Variants in BPIFA1 observed in about 807,000 individuals in gnomAD.
The protein encoded by BPIFA1 is BPI fold containing family A member 1.
In BPIFA1, 24 loss-of-function variants were observed where a neutral mutation model predicts 25.1. That is an observed-to-expected ratio of 0.96 (90% CI 0.69 to 1.35). The LOEUF (loss-of-function observed/expected upper bound fraction) is 1.35. BPIFA1 is among the 40% of genes most tolerant of loss of function. The probability of loss-of-function intolerance (pLI) is 0.00; values close to 1 mark genes in which losing one functional copy is unlikely to be tolerated. For missense variants in BPIFA1, 344 were observed against 303.7 expected (o/e 1.13, Z -0.99); for synonymous variants, 139 against 131.8 (o/e 1.05, Z -0.37).
intron 1 of BPIFA1, among the ~76,000 whole-genome samples, chr20:33,236,317 C>A (rs1195187497): frequency 6.6e-6 from 1 of 152,204 alleles, no homozygotes; most frequent in Non-Finnish European, 1.5e-5. Flanking sequence ...AATGTGGATA[C>A]AGATGATCCA....
intron 1 of BPIFA1, 134 bp from the exon 2 acceptor site, chr20:33,237,563 C>T: frequency 1.7e-6 from 1 of 580,818 alleles, no homozygotes; most frequent in Non-Finnish European, 2.7e-6. Flanking sequence ...AATTGTTCAG[C>T]AGTATTAGCT....
At chr20:33,240,609 G>T (rs150207535) in intron 5 of BPIFA1, among the ~76,000 whole-genome samples, 2 of 150,710 alleles carry the variant, frequency 1.3e-5, no homozygotes, top group East Asian at 3.9e-4. Context: ...GGTTGATGGA[G>T]AGAAGGATGA....
At chr20:33,241,550 T>C in intron 6 of BPIFA1, 81 bp downstream of exon 6, 1 of 1,171,686 alleles carries the variant, frequency 8.5e-7, no homozygotes, top group Admixed American at 1.8e-5. Context: ...GCTAAGTGGG[T>C]CCGAGTCCCT....
At chr20:33,242,021 C>T (rs763578499) in intron 6 of BPIFA1, 35 bp from the exon 7 acceptor site, 1 of 1,595,392 alleles carries the variant, frequency 6.3e-7, no homozygotes, top group South Asian at 1.1e-5. Context: ...TCCAGGGTGC[C>T]ACTCTGCCTA....
chr20:33,242,378 G>A, intron 7 of BPIFA1, 109 bp from the exon 8 acceptor site: 1 of 1,338,218 alleles, frequency 7.5e-7, no homozygotes, highest in East Asian at 2.4e-5. Context: ...AACACAGTCG[G>A]ATCTCCAGAG....
chr20:33,240,647 A>ATAAT (rs939973843), intron 5 of BPIFA1, among the ~76,000 whole-genome samples: 1 of 121,510 alleles, frequency 8.2e-6, no homozygotes, highest in Non-Finnish European at 1.9e-5. Context: ...TAGATAGATG[A>ATAAT]TAGATAGATA....
rs538843984 is a variant in BPIFA1 at position 33,240,458 on chromosome 20, G to A, written c.581+73G>A. On this transcript the variant is annotated intron_variant, in intron 5 of 8. Coordinates refer to ENST00000354297, the MANE Select transcript of BPIFA1 (RefSeq NM_130852.3). ...ATGCCGGATGGATGATTGGAAAGCT[G>A]AGACAATGAGAGAATAGATGAGTGA... 8 of 1,556,040 alleles carry A rather than the reference G, an allele frequency of 5.1e-6. No homozygotes were observed. In the East Asian group the frequency reaches 1.8e-4, roughly 35 times the overall value.
In BPIFA1 at chr20:33,237,871, G is replaced by C; in HGVS notation, c.160G>C (p.Ala54Pro). 1 of 1,568,234 alleles carries C rather than the reference G, an allele frequency of 6.4e-7. No individual in the cohort carries two copies. Among genetic ancestry groups the C allele is most frequent in the Non-Finnish European group, 8.6e-7 (1 of 1,158,716 alleles). Residue 54 changes from alanine to proline, a missense_variant and splice_region_variant, in exon 2 of 9, where the codon GCC becomes CCC. Physicochemically the swap from Ala to Pro is conservative, Grantham distance 27 (BLOSUM62 -1). Transcript: ENST00000354297. ...PTGLAGSLTN[A>P]LSNGLLSGGL... ...AGGTCTTGCAGGAAGCTTGACAAAT[G>C]GTGAGTTTTCAGGGGTGTATGTGTG...
In BPIFA1 at chr20:33,240,361, G is replaced by A; in HGVS notation, c.557G>A (p.Ser186Asn). Residue 186 changes from serine (S) to asparagine (N), a missense_variant, in exon 5 of 9, where the codon AGC (serine) becomes AAC (asparagine). By Grantham distance (46) the Ser-to-Asn change is conservative. Transcript: ENST00000354297. ...VLGDCTHSPG[S>N]LQISLLDGLG... ...GGTGACTGCACCCATTCCCCTGGAA[G>A]CCTGCAAATTTCTCTGCTTGATGGG... 1.2e-6 allele frequency: 2 copies of A among 1,614,138 alleles called. No homozygotes were observed. Among genetic ancestry groups the A allele is most frequent in the Non-Finnish European group, 1.7e-6 (2 of 1,180,032 alleles).
intron 5 of BPIFA1, among the ~76,000 whole-genome samples, chr20:33,240,972 G>A (rs190343994): frequency 6.6e-6 from 1 of 152,292 alleles, no homozygotes; most frequent in Non-Finnish European, 1.5e-5. Flanking sequence ...ATTTATTTCA[G>A]TTACCTGTCA....
intron 7 of BPIFA1, 137 bp downstream of exon 7, chr20:33,242,256 C>T (rs903935218): frequency 1.1e-5 from 11 of 1,021,950 alleles, no homozygotes; most frequent in South Asian, 4.2e-5. Flanking sequence ...CATTTTCCCC[C>T]GAATAATCCA....
At position 33,237,747 on chromosome 20, in the gene BPIFA1, G is replaced by A. The variant is rs770343234; in HGVS notation, c.36G>A (p.Gly12=). ...FQTGGLIVFY[G]LLAQTMAQFG... is the part of the protein sequence containing the mutation. ...CTGGGGGCCTCATTGTCTTCTACGG[G>A]CTGTTAGCCCAGACCATGGCCCAGT... Residue 12 remains glycine (G), a synonymous_variant, in exon 2 of 9, where the codon GGG becomes GGA. Transcript: ENST00000354297. The A allele has an allele frequency of 9.2e-6, 14 of 1,513,978 alleles. No individual in the cohort carries two copies. The highest frequency in any genetic ancestry group is 2.2e-5 in the Admixed American group (1 of 45,312). The allele number at this position is 1,513,978 out of a possible 1,614,324, so 93.8% of individuals were successfully genotyped here. A position where few individuals can be genotyped will look rare whatever the true frequency, so the allele number is the denominator to read the frequency against.
intron 5 of BPIFA1, among the ~76,000 whole-genome samples, chr20:33,240,692 G>GATAGA (rs1568631767): frequency 1.3e-3 from 139 of 110,072 alleles, no homozygotes; most frequent in African/African-American, 6.4e-3. Flanking sequence ...GATAGATAAA[G>GATAGA]TAGTACTTAT....
At chr20:33,239,640 G>A (rs926791520) in intron 3 of BPIFA1, among the ~76,000 whole-genome samples, 163 bp from the exon 4 acceptor site, 1 of 152,196 alleles carries the variant, frequency 6.6e-6, no homozygotes, top group Admixed American at 6.5e-5. Context: ...CCTAGTGTGT[G>A]ACTCAGAACC....
At chr20:33,242,421 T>A in intron 7 of BPIFA1, 66 bp from the exon 8 acceptor site, 3 of 1,575,196 alleles carry the variant, frequency 1.9e-6, no homozygotes, top group Non-Finnish European at 2.6e-6. Flanking sequence ...CCTTGAGGAA[T>A]ATGGACTCCT....
At chr20:33,240,139 G>C (rs1182459774) in intron 4 of BPIFA1, 94 bp from the exon 5 acceptor site, 3 of 1,534,228 alleles carry the variant, frequency 2.0e-6, no homozygotes, top group African/African-American at 2.7e-5. Flanking sequence ...GCAAGATGGA[G>C]TGAGGTGAGG....
chr20:33,242,941 C>T (rs1048580763), intron 8 of BPIFA1, among the ~76,000 whole-genome samples, 166 bp from the exon 9 acceptor site: 1 of 152,162 alleles, frequency 6.6e-6, no homozygotes, highest in South Asian at 2.1e-4. Context: ...CATAAGTACA[C>T]GTGGATACAC....
Position 33,238,226 on chromosome 20 carries a change from T to A in BPIFA1, c.320+12T>A, listed in dbSNP as rs561540390. ...AACAACATCATTGAGTGAGTTGTCC[T>A]AAAATAGAGCTTTGATCTCCACCAG... is the stretch of plus-strand genomic sequence containing the variant. On this transcript the variant is annotated intron_variant, in intron 3 of 8. Coordinates refer to ENST00000354297, the MANE Select transcript of BPIFA1 (RefSeq NM_130852.3). The A allele has an allele frequency of 6.2e-7, 1 of 1,606,458 alleles. No homozygotes were observed. The highest frequency in any genetic ancestry group is 1.3e-5 in the African/African-American group (1 of 74,716).
chr20:33,237,910 G>GCA, intron 2 of BPIFA1, 39 bp downstream of exon 2: 1 of 539,024 alleles, frequency 1.9e-6, no homozygotes. Flanking sequence ...GTGTGTGTGT[G>GCA]TGTGTGTGTG....
Sources: allele counts gnomAD v4.1 joint callset (sites outside exome capture counted in the v4.1 genomes callset), GRCh38; gene constraint gnomAD v4.1.1; transcripts MANE v1.5; gene names NCBI Gene and HGNC (gene_info 2026-07-23, HGNC 2026-07-21).